The following SLC28A1 variants were observed in gnomAD, a reference collection of about 807,000 sequenced individuals.
The protein encoded by SLC28A1 is solute carrier family 28 member 1.
Under a neutral mutation model 74.8 loss-of-function variants are expected in SLC28A1, and 64 were observed. That is an observed-to-expected ratio of 0.86 (90% CI 0.70 to 1.05). The LOEUF is 1.05. SLC28A1 is among the 50% of genes least tolerant of loss of function. The pLI is 0.00. For synonymous variants in SLC28A1, 359 were observed against 335.0 expected (o/e 1.07, Z -0.78); for missense variants, 828 against 822.8 (o/e 1.01, Z -0.08).
At chr15:84,930,778 G>T (rs1971177511) in intron 12 of SLC28A1, among the ~76,000 whole-genome samples, 1 of 147,810 alleles carries the variant, frequency 6.8e-6, no homozygotes, top group Admixed American at 6.8e-5. Flanking sequence ...GCTAATTTTT[G>T]TTTTTTTTTG....
intron 16 of SLC28A1, 128 bp from the exon 17 acceptor site, chr15:84,944,438 A>G (rs1416821683): frequency 1.4e-6 from 1 of 732,748 alleles, no homozygotes; most frequent in Admixed American, 2.0e-5. Context: ...TCAGGAGGAC[A>G]ACATCTGTCC....
intron 5 of SLC28A1, among the ~76,000 whole-genome samples, chr15:84,891,174 C>T (rs1180259080): frequency 1.3e-5 from 2 of 151,980 alleles, no homozygotes. Context: ...CACGGTGGGA[C>T]CCTGGAAGGA....
chr15:84,897,564 A>T (rs948319848), intron 6 of SLC28A1, among the ~76,000 whole-genome samples: 1 of 152,266 alleles, frequency 6.6e-6, no homozygotes, highest in Non-Finnish European at 1.5e-5. Flanking sequence ...TAATACATTC[A>T]TATAATTTGT....
chr15:84,922,518 A>C (rs1596312085), intron 11 of SLC28A1, among the ~76,000 whole-genome samples: 1 of 149,504 alleles, frequency 6.7e-6, no homozygotes, highest in African/African-American at 2.5e-5. Context: ...CCCATCTACA[A>C]CCCCCCGCTG....
At chr15:84,925,067 G>GTTTT (rs964017770) in intron 12 of SLC28A1, among the ~76,000 whole-genome samples, 36 of 84,144 alleles carry the variant, frequency 4.3e-4, no homozygotes, top group East Asian at 7.7e-4. Context: ...CGCCCAGCTA[G>GTTTT]TTTTTTTTTT....
chr15:84,887,539 C>T, intron 2 of SLC28A1: 8 of 985,372 alleles, frequency 8.1e-6, no homozygotes, highest in Non-Finnish European at 9.6e-6. Flanking sequence ...AGAGGTACCT[C>T]CTCCATGTGC....
chr15:84,935,288 C>T, intron 14 of SLC28A1, 33 bp from the exon 15 acceptor site: 1 of 1,613,190 alleles, frequency 6.2e-7, no homozygotes, highest in Non-Finnish European at 8.5e-7. Flanking sequence ...CCAGGCCCAG[C>T]CCTCGGTGCC....
At chr15:84,954,494 G>A in the SLC28A1 span, among the ~76,000 whole-genome samples, 3 of 152,186 alleles carry the variant, frequency 2.0e-5, no homozygotes, top group Admixed American at 2.0e-4. Flanking sequence ...TGTGAGACAA[G>A]TTATTTGCAT....
intron 9 of SLC28A1, 120 bp downstream of exon 9, chr15:84,908,915 CGCCG>C (rs1967719705): frequency 1.1e-5 from 9 of 819,334 alleles, no homozygotes; most frequent in Non-Finnish European, 1.9e-5. Context: ...GGGCAGAGGT[CGCCG>C]TACTGGGAAG....
At chr15:84,925,067 GTT>G (rs964017770) in intron 12 of SLC28A1, among the ~76,000 whole-genome samples, 1 of 84,146 alleles carries the variant, frequency 1.2e-5, no homozygotes, top group Admixed American at 1.5e-4. Context: ...CGCCCAGCTA[GTT>G]TTTTTTTTTT....
At chr15:84,912,243 G>GT (rs1968366982) in intron 9 of SLC28A1, among the ~76,000 whole-genome samples, 1 of 152,194 alleles carries the variant, frequency 6.6e-6, no homozygotes, top group Non-Finnish European at 1.5e-5. Context: ...TGGTTTTGTT[G>GT]AATGCTGAGC....
intron 5 of SLC28A1, 57 bp downstream of exon 5, chr15:84,890,591 T>C (rs1965259549): frequency 1.2e-5 from 16 of 1,364,552 alleles, no homozygotes; most frequent in Non-Finnish European, 1.6e-5. Flanking sequence ...CAGCTATCCA[T>C]GTCTCAGGGC....
intron 15 of SLC28A1, among the ~76,000 whole-genome samples, chr15:84,941,524 AC>A (rs1402666487): frequency 6.6e-6 from 1 of 151,694 alleles, no homozygotes; most frequent in Non-Finnish European, 1.5e-5. Flanking sequence ...TTTTTTTTTA[AC>A]ATAGATTTTA....
chr15:84,947,236 C>G (rs1334634834), downstream of SLC28A1, among the ~76,000 whole-genome samples: 3 of 152,230 alleles, frequency 2.0e-5, no homozygotes, highest in Non-Finnish European at 4.4e-5. Context: ...CTCTGCAGCC[C>G]TCCCTCAGTC....
chr15:84,956,468 C>CCTTCTTTCT, the SLC28A1 span, among the ~76,000 whole-genome samples: 961 of 67,092 alleles, frequency 0.014, 19 homozygotes, highest in African/African-American at 0.04. Context: ...TCTTTCTTTC[C>CCTTCTTTCT]TTCTTTCTTT....
rs147004206 is a variant in SLC28A1, at chr15:84,945,249, G to C, written c.*49G>C. On this transcript the variant is annotated 3_prime_UTR_variant, in exon 19 of 19. Transcript: ENST00000394573. ...GCGCTTCTGAGGGCTGTTCTCCCCC[G>C]GGAACCATCTGTCCCCACCTTCCCT... 7.1e-6 allele frequency: 11 copies of C among 1,558,376 alleles called. No individual in the cohort carries two copies. In the African/African-American group the frequency reaches 9.5e-5, roughly 13 times the overall value.
chr15:84,945,066 G>A, intron 18 of SLC28A1, 59 bp from the exon 19 acceptor site: 2 of 1,470,192 alleles, frequency 1.4e-6, no homozygotes, highest in Non-Finnish European at 1.9e-6. Flanking sequence ...TGCACAGCCT[G>A]GTGGTGGCCC....
rs566337871 is a variant in SLC28A1 at position 84,901,209 on chromosome 15, T to C, written c.462-2888T>C. Among the ~76,000 whole-genome samples, 5 of 149,368 alleles carry C rather than the reference T, an allele frequency of 3.3e-5. No individual in the cohort carries two copies. The South Asian group carries it at 8.5e-4, about 25-fold the overall frequency. On this transcript the variant is annotated intron_variant, in intron 6 of 18. Coordinates refer to ENST00000394573, the MANE Select transcript of SLC28A1 (RefSeq NM_004213.5). ...CTTTAATAAGAAAAATAACCTAATT[T>C]TAAAATGAGCTCAAGGCCAAGAGCA...
In SLC28A1 at chr15:84,884,668, T is replaced by C; in HGVS notation, c.-216T>C. On this transcript the variant is annotated 5_prime_UTR_variant, in exon 1 of 19. The change abolishes an upstream ATG in the 5' untranslated region. Coordinates refer to ENST00000394573, the MANE Select transcript of SLC28A1 (RefSeq NM_004213.5). Reference sequence around the variant, plus strand: ...TTGTAGAGATTAGGGCCCACAACGATGTGAAGGTTATAAGCTGCACTGCAT... The same window carrying C: ...TTGTAGAGATTAGGGCCCACAACGACGTGAAGGTTATAAGCTGCACTGCAT... The C allele has an allele frequency of 7.2e-6, 7 of 978,938 alleles. No homozygotes were observed. The highest frequency in any genetic ancestry group is 8.5e-6 in the Non-Finnish European group (7 of 823,804). 60.6% of individuals were successfully genotyped at this position (978,938 alleles called of 1,614,324 possible).
Sources: allele counts gnomAD v4.1 joint callset (sites outside exome capture counted in the v4.1 genomes callset), GRCh38; gene constraint gnomAD v4.1.1; transcripts MANE v1.5; gene names NCBI Gene and HGNC (gene_info 2026-07-23, HGNC 2026-07-21).